FREM1: variants seen among roughly 807,000 people sequenced by gnomAD.
The protein encoded by FREM1 is FRAS1-related extracellular matrix protein 1.
FREM1 carries 220 observed loss-of-function variants against 210.1 expected under a neutral mutation model. The ratio of observed to expected loss-of-function variants is 1.05; its 90% CI spans 0.94 to 1.17. The LOEUF is 1.17. FREM1 is among the 50% of genes most tolerant of loss of function. FREM1 has a pLI of 0.00. For synonymous variants in FREM1, 1,189 were observed against 980.2 expected (o/e 1.21, Z -3.98); for missense variants, 3,454 against 2,675.5 (o/e 1.29, Z -6.42).
intron 10 of FREM1, among the ~76,000 whole-genome samples, chr9:14,828,127 C>T (rs1374487624): frequency 6.6e-6 from 1 of 152,198 alleles, no homozygotes; most frequent in Admixed American, 6.5e-5. Flanking sequence ...CACCAATGTG[C>T]AACGCCATCC....
At chr9:14,772,546 G>C (rs1420821833) in intron 25 of FREM1, among the ~76,000 whole-genome samples, 1 of 152,098 alleles carries the variant, frequency 6.6e-6, no homozygotes, top group African/African-American at 2.4e-5. Flanking sequence ...TTTTTGAGTG[G>C]TATGGTTGTC....
In FREM1 at chr9:14,784,431, C is replaced by T. The variant is rs1463946358; in HGVS notation, c.4381G>A (p.Val1461Met). ...PITNFSQMDV[V>M]GQTVCYVHKS... The stretch of plus-strand genomic sequence containing the variant: ...TGTACATAGCAAACTGTCTGCCCCA[C>T]TACATCCATTTGGCTGAAGTTTGTA... The change falls in exon 24 of 37, where the codon GTG (valine) becomes ATG (methionine). Residue 1461 changes from valine (V) to methionine (M), a missense_variant. Val to Met is a conservative substitution (Grantham distance 21). Transcript: ENST00000380880. 3.1e-6 allele frequency: 5 copies of T among 1,613,788 alleles called. No homozygotes were observed. The highest frequency in any genetic ancestry group is 1.1e-5 in the South Asian group (1 of 91,078).
At chr9:14,753,649 C>T (rs969545588) in intron 29 of FREM1, among the ~76,000 whole-genome samples, 1 of 152,016 alleles carries the variant, frequency 6.6e-6, no homozygotes, top group Non-Finnish European at 1.5e-5. Context: ...TGGAAGCTGC[C>T]GTTTTAAAAG....
rs750879818 is a variant in FREM1, at chr9:14,737,228, T to A, written c.*168A>T. On this transcript the variant is annotated 3_prime_UTR_variant, in exon 37 of 37. Coordinates refer to ENST00000380880, the MANE Select transcript of FREM1 (RefSeq NM_001379081.2). ...TATCTTATCTTGTAAAAAATATTTATTTATCAATCTTTCTGGCACTATTAA... is the reference window on the plus strand; with the variant it reads ...TATCTTATCTTGTAAAAAATATTTAATTATCAATCTTTCTGGCACTATTAA... The A allele has an allele frequency of 1.9e-6, 1 of 531,010 alleles. No homozygotes were observed. The highest frequency in any genetic ancestry group is 3.3e-6 in the Non-Finnish European group (1 of 302,616). 32.9% of individuals were successfully genotyped at this position (531,010 alleles called of 1,614,324 possible).
chr9:14,883,166 A>G (rs1013469878), intron 1 of FREM1, among the ~76,000 whole-genome samples: 1 of 152,316 alleles, frequency 6.6e-6, no homozygotes, highest in South Asian at 2.1e-4. Context: ...TTTTATTTAC[A>G]TTCTAATTTT....
chr9:14,820,276 A>G (rs1821045473), intron 13 of FREM1, among the ~76,000 whole-genome samples: 1 of 152,180 alleles, frequency 6.6e-6, no homozygotes, highest in South Asian at 2.1e-4. Context: ...TGTTTAACCT[A>G]TCATTACCCC....
intron 1 of FREM1, among the ~76,000 whole-genome samples, chr9:14,886,956 A>T (rs1330391116): frequency 2.0e-5 from 3 of 151,378 alleles, no homozygotes; most frequent in African/African-American, 7.3e-5. Flanking sequence ...GTATTTTTTT[A>T]AATCATCAAA....
At chr9:14,749,620 G>C (rs1487160536) in intron 30 of FREM1, among the ~76,000 whole-genome samples, 1 of 152,210 alleles carries the variant, frequency 6.6e-6, no homozygotes, top group Non-Finnish European at 1.5e-5. Context: ...TCCAGGACCT[G>C]TTTGGCGCTG....
In FREM1 at chr9:14,863,907, G is replaced by C; in HGVS notation, c.235-4C>G. On this transcript the variant is annotated splice_region_variant and splice_polypyrimidine_tract_variant and intron_variant, in intron 2 of 36. Coordinates refer to ENST00000380880, the MANE Select transcript of FREM1 (RefSeq NM_001379081.2). ...GAAGGAAATGGCAGTCAAAGACCTA[G>C]TTCACATGAAGAATTGGATAAATAT... is the stretch of plus-strand genomic sequence containing the variant. 1 of 1,570,506 alleles carries C rather than the reference G, an allele frequency of 6.4e-7. No individual in the cohort carries two copies. Among genetic ancestry groups the C allele is most frequent in the Non-Finnish European group, 8.8e-7 (1 of 1,140,766 alleles).
intron 1 of FREM1, among the ~76,000 whole-genome samples, chr9:14,903,394 T>C (rs1260564098): frequency 6.6e-6 from 1 of 152,188 alleles, no homozygotes; most frequent in African/African-American, 2.4e-5. Flanking sequence ...GCTTGACTGC[T>C]GGGAAAGAGT....
chr9:14,861,152 T>C (rs1273231323), intron 3 of FREM1, among the ~76,000 whole-genome samples: 1 of 108,870 alleles, frequency 9.2e-6, no homozygotes, highest in Non-Finnish European at 1.8e-5. Flanking sequence ...TATACACATA[T>C]ATACGTATAT....
chr9:14,832,921 G>A (rs1391424734), intron 10 of FREM1, among the ~76,000 whole-genome samples: 1 of 152,190 alleles, frequency 6.6e-6, no homozygotes, highest in Non-Finnish European at 1.5e-5. Context: ...TCTTAGGTTA[G>A]GATGCAGGCC....
chr9:14,839,380 C>A (rs573734879), intron 10 of FREM1, among the ~76,000 whole-genome samples: 2 of 152,288 alleles, frequency 1.3e-5, no homozygotes, highest in Non-Finnish European at 2.9e-5. Context: ...ATGATACATA[C>A]ATGTAAAGAT....
chr9:14,879,261 T>C (rs1373456357), intron 1 of FREM1, among the ~76,000 whole-genome samples: 1 of 151,520 alleles, frequency 6.6e-6, no homozygotes, highest in African/African-American at 2.4e-5. Context: ...AAAAGGCACA[T>C]CATCCTGGGA....
chr9:14,848,267 A>C (rs1588345009), intron 7 of FREM1, among the ~76,000 whole-genome samples: 1 of 152,236 alleles, frequency 6.6e-6, no homozygotes, highest in Non-Finnish European at 1.5e-5. Context: ...TTTAGTTTCC[A>C]TGCAGCCCAA....
At position 14,910,365 on chromosome 9, in the gene FREM1, A is replaced by T. The variant is rs1256714177; in HGVS notation, c.-719T>A. 6.6e-6 allele frequency: 1 copy of T among 152,260 alleles called. No homozygotes were observed. Among genetic ancestry groups the T allele is most frequent in the Non-Finnish European group, 1.5e-5 (1 of 68,106 alleles). The allele number at this position is 152,260 out of a possible 1,614,324, so 9.4% of individuals were successfully genotyped here. ...GCAGGGACAAAACTGAGCTTTTGTTAATGAGGTCGGTTGCCTCTTCCCAGT... is the reference window on the plus strand; with the variant it reads ...GCAGGGACAAAACTGAGCTTTTGTTTATGAGGTCGGTTGCCTCTTCCCAGT... On this transcript the variant is annotated 5_prime_UTR_variant, in exon 1 of 37. Coordinates refer to ENST00000380880, the MANE Select transcript of FREM1 (RefSeq NM_001379081.2).
Position 14,750,107 on chromosome 9 carries a change from G to T in FREM1, c.5557+20C>A. 6.2e-7 allele frequency: 1 copy of T among 1,612,446 alleles called. No homozygotes were observed. Among genetic ancestry groups the T allele is most frequent in the South Asian group, 1.1e-5 (1 of 90,592 alleles). ...GCGCCAGGACCGCTCCTGATTTCAAGATGAGGATCAAAAGAATACCTCCTT... is the reference window on the plus strand; with the variant it reads ...GCGCCAGGACCGCTCCTGATTTCAATATGAGGATCAAAAGAATACCTCCTT... On this transcript the variant is annotated intron_variant, in intron 30 of 36. Coordinates refer to ENST00000380880, the MANE Select transcript of FREM1 (RefSeq NM_001379081.2).
Position 14,819,269 on chromosome 9 carries a change from T to C in FREM1, c.2511A>G (p.Thr837=). 2 of 1,613,556 alleles carry C rather than the reference T, an allele frequency of 1.2e-6. No homozygotes were observed. The highest frequency in any genetic ancestry group is 2.2e-5 in the East Asian group (1 of 44,860). ...LNGFPLNSGG[T]FSWGDLHTLK... is the part of the protein sequence containing the mutation. ...AGGTATGGAGATCGCCCCAAGAAAA[T>C]GTGCCCCCTGAATTTAGAGGAAATC... The change falls in exon 14 of 37, where the codon ACA becomes ACG. Residue 837 remains threonine (T), a synonymous_variant. Transcript: ENST00000380880.
intron 1 of FREM1, among the ~76,000 whole-genome samples, chr9:14,897,760 TA>T (rs1178785264): frequency 6.6e-6 from 1 of 152,000 alleles, no homozygotes. Context: ...CTGACTAATT[TA>T]AAAAAATTTT....
Sources: allele counts gnomAD v4.1 joint callset (sites outside exome capture counted in the v4.1 genomes callset), GRCh38; gene constraint gnomAD v4.1.1; transcripts MANE v1.5; gene names NCBI Gene and HGNC (gene_info 2026-07-23, HGNC 2026-07-21).